SLC9A6: variants seen among roughly 807,000 people sequenced by gnomAD.
The protein encoded by SLC9A6 is sodium/hydrogen exchanger 6.
A neutral mutation model predicts 45.3 loss-of-function variants in SLC9A6; 6 were observed. The observed-to-expected ratio is 0.13, with a 90% CI of 0.07 to 0.26. The LOEUF is 0.26. Among genes scored for constraint, SLC9A6 ranks in the 10% least tolerant of loss-of-function variants. The pLI is 1.00. For synonymous variants in SLC9A6, 191 were observed against 187.7 expected (o/e 1.02, Z -0.14); for missense variants, 278 against 503.7 (o/e 0.55, Z 4.29).
intron 1 of SLC9A6, chrX:135,974,978 T>A (rs1487863185): frequency 1.7e-5 from 4 of 233,968 alleles, no homozygotes; most frequent in African/African-American, 1.2e-4. Flanking sequence ...TGTCTTCATC[T>A]CCTGAAATGT....
rs182076446 is a variant in SLC9A6, at chrX:135,998,683, G to T, written c.524+125G>T. On this transcript the variant is annotated intron_variant, in intron 5 of 17. Transcript: ENST00000630721. Reference sequence around the variant, plus strand: ...TAAAGACTTTTGCAATATTCACGTAGGTAATAAGTTGTTTGAATTTTCCTT... The same window carrying T: ...TAAAGACTTTTGCAATATTCACGTATGTAATAAGTTGTTTGAATTTTCCTT... 6.5e-5 allele frequency: 42 copies of T among 645,952 alleles called. No homozygotes were observed. The East Asian group carries it at 1.3e-3, about 19-fold the overall frequency. 53.2% of individuals were successfully genotyped at this position (645,952 alleles called of 1,213,427 possible).
intron 2 of SLC9A6, among the ~76,000 whole-genome samples, chrX:135,986,552 C>T: frequency 9.0e-6 from 1 of 111,466 alleles, no homozygotes; most frequent in South Asian, 3.8e-4. Flanking sequence ...GTATAGTGTA[C>T]TATACGATGA....
intron 2 of SLC9A6, among the ~76,000 whole-genome samples, chrX:135,991,540 G>C (rs1556615726): frequency 9.0e-6 from 1 of 111,158 alleles, no homozygotes; most frequent in Non-Finnish European, 1.9e-5. Flanking sequence ...TTACACGTGA[G>C]CCACTGCGCC....
chrX:135,995,434 T>C (rs1271314521), intron 3 of SLC9A6, among the ~76,000 whole-genome samples: 1 of 111,596 alleles, frequency 9.0e-6, no homozygotes, highest in Non-Finnish European at 1.9e-5. Context: ...GCAATTCTCC[T>C]GCCTCAGCCT....
intron 14 of SLC9A6, 108 bp from the exon 15 acceptor site, chrX:136,030,024 A>G: frequency 1.3e-6 from 1 of 771,246 alleles, no homozygotes; most frequent in Non-Finnish European, 2.0e-6. Flanking sequence ...AACATTAACC[A>G]TTCCATAGCT....
At chrX:136,041,563 C>G (rs1366482463) in intron 17 of SLC9A6, among the ~76,000 whole-genome samples, 1 of 111,554 alleles carries the variant, frequency 9.0e-6, no homozygotes, top group African/African-American at 3.3e-5. Flanking sequence ...TCCACCATGC[C>G]CTGTTAACCC....
At chrX:136,001,218 T>TC (rs1444726752) in intron 6 of SLC9A6, among the ~76,000 whole-genome samples, 1 of 106,961 alleles carries the variant, frequency 9.3e-6, no homozygotes, top group African/African-American at 3.4e-5. Context: ...GCGCCTGTAG[T>TC]CCCAGCTACT....
At chrX:135,985,853 C>T in intron 2 of SLC9A6, 26 bp downstream of exon 2, 1 of 1,208,460 alleles carries the variant, frequency 8.3e-7, no homozygotes, top group African/African-American at 1.7e-5. Flanking sequence ...CTTGTCAGCC[C>T]CTTGGCGCTG....
At chrX:136,024,268 A>G in intron 12 of SLC9A6, 62 bp from the exon 13 acceptor site, 1 of 1,150,417 alleles carries the variant, frequency 8.7e-7, no homozygotes. Flanking sequence ...TCTTGCTCTG[A>G]ATTTATGAAG....
chrX:136,037,630 G>T (rs1354646211), intron 16 of SLC9A6, among the ~76,000 whole-genome samples: 1 of 111,915 alleles, frequency 8.9e-6, no homozygotes, highest in African/African-American at 3.2e-5. Flanking sequence ...GAGTGCAGTG[G>T]CACAATCTCG....
chrX:135,985,510 G>T lies in SLC9A6; in HGVS notation c.-57+33G>T, dbSNP rs1016216648. 4 of 1,101,352 alleles carry T rather than the reference G, an allele frequency of 3.6e-6. No individual in the cohort carries two copies. The highest frequency in any genetic ancestry group is 4.7e-6 in the Non-Finnish European group (4 of 846,856). 90.8% of individuals were successfully genotyped at this position (1,101,352 alleles called of 1,213,427 possible). A position where few individuals can be genotyped will look rare whatever the true frequency, so the allele number is the denominator to read the frequency against. The stretch of plus-strand genomic sequence containing the variant: ...CGGGAGGCGGGGGGAGACATGGCTC[G>T]GCGCGGCTGGCGGCGGGCACCCCTC... On this transcript the variant is annotated intron_variant, in intron 1 of 17. Transcript: ENST00000630721.
intron 1 of SLC9A6, among the ~76,000 whole-genome samples, chrX:135,977,585 A>T (rs1556613484): frequency 8.9e-6 from 1 of 112,178 alleles, no homozygotes; most frequent in Non-Finnish European, 1.9e-5. Context: ...TACCTATTGT[A>T]GGCACAAAAC....
chrX:135,982,530 C>A (rs2089291696), upstream of SLC9A6, among the ~76,000 whole-genome samples: 1 of 107,340 alleles, frequency 9.3e-6, no homozygotes, highest in South Asian at 4.2e-4. Context: ...GTCACCCAGT[C>A]TGGCCCAATA....
chrX:135,995,248 A>T (rs1293598522), intron 3 of SLC9A6, among the ~76,000 whole-genome samples: 1 of 111,951 alleles, frequency 8.9e-6, no homozygotes, highest in Admixed American at 9.5e-5. Context: ...GGAGACTGGG[A>T]TTGAGTTAAG....
At position 136,013,468 on chromosome X, in the gene SLC9A6, C is replaced by A. The variant is rs2291639; in HGVS notation, c.1080+31C>A. Reference sequence around the variant, plus strand: ...AGGAACTTTATAGTTTGTGAATAGGCTTTTCCTTCTTTCAGCAAAATAGAA... The same window carrying A: ...AGGAACTTTATAGTTTGTGAATAGGATTTTCCTTCTTTCAGCAAAATAGAA... On this transcript the variant is annotated intron_variant, in intron 10 of 17. Transcript: ENST00000630721. The A allele has an allele frequency of 0.035, 34,838 of 987,094 alleles. 534 individuals are homozygous for A. Among genetic ancestry groups the A allele is most frequent in the South Asian group, 0.11 (5,575 of 51,528 alleles). 81.3% of individuals were successfully genotyped at this position (987,094 alleles called of 1,213,427 possible).
chrX:135,991,024 A>C (rs150358002), intron 2 of SLC9A6, among the ~76,000 whole-genome samples: 2,053 of 111,671 alleles, frequency 0.018, 25 homozygotes, highest in Middle Eastern at 0.032. Context: ...TATGTCTGTC[A>C]AGTGCAGTTG....
chrX:135,997,035 G>A (rs1227252522), intron 3 of SLC9A6, among the ~76,000 whole-genome samples: 6 of 110,224 alleles, frequency 5.4e-5, no homozygotes, highest in Non-Finnish European at 9.5e-5. Flanking sequence ...CAAAGTGCTG[G>A]GATTACAGGC....
intron 8 of SLC9A6, among the ~76,000 whole-genome samples, chrX:136,012,097 C>A (rs934508358): frequency 2.7e-5 from 3 of 112,375 alleles, no homozygotes; most frequent in Non-Finnish European, 1.9e-5. Flanking sequence ...CTCAAAAAAA[C>A]AAAACAAAAC....
intron 11 of SLC9A6, among the ~76,000 whole-genome samples, chrX:136,019,905 T>G (rs1487304551): frequency 2.7e-5 from 3 of 112,128 alleles, no homozygotes; most frequent in African/African-American, 9.7e-5. Context: ...TTCTCATATG[T>G]GTTCATTGTT....
Sources: allele counts gnomAD v4.1 joint callset (sites outside exome capture counted in the v4.1 genomes callset), GRCh38; gene constraint gnomAD v4.1.1; transcripts MANE v1.5; gene names NCBI Gene and HGNC (gene_info 2026-07-23, HGNC 2026-07-21).